MROH1: variants seen among roughly 807,000 people sequenced by gnomAD.
MROH1 encodes the protein maestro heat like repeat family member 1.
In MROH1, 117 loss-of-function variants were observed where a neutral mutation model predicts 116.5. The observed-to-expected ratio is 1.00, with a 90% confidence interval of 0.86 to 1.17. The LOEUF (loss-of-function observed/expected upper bound fraction) is 1.17. MROH1 is among the 50% of genes most tolerant of loss of function. The pLI, the probability that MROH1 is intolerant of heterozygous loss-of-function variation, is 0.00. For synonymous variants in MROH1, 921 were observed against 583.9 expected, an observed-to-expected ratio of 1.58 and a Z score of -8.32; for missense variants, 1,873 against 1,338.5, an observed-to-expected ratio of 1.40 and a Z score of -6.23.
intron 12 of MROH1, among the ~76,000 whole-genome samples, chr8:144,202,509 G>GCA (rs1831460119): frequency 8.5e-6 from 1 of 117,098 alleles, no homozygotes; most frequent in African/African-American, 3.3e-5. Flanking sequence ...AAGGGAGAAC[G>GCA]GGCTCTCTGT....
chr8:144,249,023 G>A lies in MROH1; in HGVS notation c.3267G>A (p.Gln1089=). Residue 1089 remains glutamine (Q), a synonymous_variant, in exon 32 of 44, where the codon CAG becomes CAA. Coordinates refer to ENST00000326134, the MANE Select transcript of MROH1 (RefSeq NM_032450.3). ...TGCAGGAGCGGGGCGGTGTGCTCCA[G>A]GAGAAGGTGGGAGAGGGCGGGGCGC... ...CLLQERGGVL[Q]EKVPEIVSVL... The A allele has an allele frequency of 1.4e-6, 1 of 715,018 alleles. No individual in the cohort carries two copies. The allele number at this position is 715,018 out of a possible 1,614,324, so 44.3% of individuals were successfully genotyped here. A position where few individuals can be genotyped will look rare whatever the true frequency, so the allele number is the denominator to read the frequency against.
At position 144,225,187 on chromosome 8, in the gene MROH1, C is replaced by T. The variant is rs898008158; in HGVS notation, c.1338+1957C>T. 5.9e-5 allele frequency among the ~76,000 whole-genome samples: 9 copies of T among 152,142 alleles called. No individual in the cohort carries two copies. The East Asian group carries it at 9.7e-4, about 16-fold the overall frequency. ...CCGAGTAGGTGGGACCACAGGCATG[C>T]GCCAGCCACCATGGGTGGCACTTCT... On this transcript the variant is annotated intron_variant, in intron 14 of 43. Transcript: ENST00000326134.
chr8:144,255,955 G>A (rs1177589808), intron 35 of MROH1, among the ~76,000 whole-genome samples: 1 of 152,364 alleles, frequency 6.6e-6, no homozygotes, highest in Admixed American at 6.5e-5. Flanking sequence ...CGGTGGTGCT[G>A]AACACAGGCA....
At chr8:144,203,886 C>T (rs866104048) in intron 12 of MROH1, among the ~76,000 whole-genome samples, 2 of 152,300 alleles carry the variant, frequency 1.3e-5, no homozygotes, top group Middle Eastern at 3.4e-3. Flanking sequence ...TAACCATGCT[C>T]AACTTCCCTT....
intron 12 of MROH1, among the ~76,000 whole-genome samples, chr8:144,208,219 C>G (rs938583975): frequency 6.6e-6 from 1 of 152,186 alleles, no homozygotes; most frequent in African/African-American, 2.4e-5. Context: ...GTTGGGATTA[C>G]AGGCGTGAGC....
At position 144,180,068 on chromosome 8, in the gene MROH1, A is replaced by G; in HGVS notation, c.301-110A>G. 20 of 1,385,234 alleles carry G rather than the reference A, an allele frequency of 1.4e-5. No individual in the cohort carries two copies. Among genetic ancestry groups the G allele is most frequent in the Non-Finnish European group, 1.8e-5 (18 of 995,624 alleles). 85.8% of individuals were successfully genotyped at this position (1,385,234 alleles called of 1,614,324 possible). On this transcript the variant is annotated intron_variant, in intron 5 of 43. Transcript: ENST00000326134. The surrounding 1 kb of genome is among the most constrained non-coding windows in gnomAD (Gnocchi z 7.4). ...GTGCCCGCCACCTTCCCTGACCTGC[A>G]CTTTCTGGGGACGCTGAAAACAGCG...
intron 2 of MROH1, among the ~76,000 whole-genome samples, chr8:144,162,689 AC>A (rs1819846127): frequency 6.9e-6 from 1 of 144,202 alleles, no homozygotes; most frequent in African/African-American, 2.6e-5. Flanking sequence ...GAGCCACTGC[AC>A]CCGGCCCATG....
Position 144,258,809 on chromosome 8 carries a change from T to C in MROH1, c.3824T>C (p.Leu1275Pro). 4 of 769,440 alleles carry C rather than the reference T, an allele frequency of 5.2e-6. No homozygotes were observed. The South Asian group carries it at 5.5e-5, about 11-fold the overall frequency. The allele number at this position is 769,440 out of a possible 1,614,324, so 47.7% of individuals were successfully genotyped here. A position where few individuals can be genotyped will look rare whatever the true frequency, so the allele number is the denominator to read the frequency against. Residue 1275 changes from leucine (L) to proline (P), a missense_variant, in exon 36 of 44, where the codon CTC becomes CCC. Leu to Pro is a moderately conservative substitution (Grantham distance 98). Coordinates refer to ENST00000326134, the MANE Select transcript of MROH1 (RefSeq NM_032450.3). ...SAVDTLRSML[L>P]RSGSEDVVQR... is the part of the protein sequence containing the mutation. ...GTGGACACCCTGCGGTCCATGCTAC[T>C]CCGCAGCGGCAGCGAGGATGTGGTA...
rs778369344 is a variant in MROH1, at chr8:144,192,389, A to T, written c.936A>T (p.Ala312=). ...LETQLDALLA[A]LHSQICVPVE... is the part of the protein sequence containing the mutation. The stretch of plus-strand genomic sequence containing the variant: ...CCCAGCTGGATGCCCTCTTGGCTGC[A>T]CTGCACTCCCAGGTAGGAGGCGGGC... Residue 312 remains alanine, a synonymous_variant, in exon 10 of 44, where the codon GCA becomes GCT. Transcript: ENST00000326134. 6.3e-7 allele frequency: 1 copy of T among 1,591,640 alleles called. No homozygotes were observed.
At chr8:144,228,436 G>A (rs1335535341) in intron 14 of MROH1, among the ~76,000 whole-genome samples, 4 of 152,138 alleles carry the variant, frequency 2.6e-5, no homozygotes, top group Non-Finnish European at 5.9e-5. Flanking sequence ...TGATCAGGGC[G>A]GTGGTTGCTG....
At chr8:144,176,348 G>A (rs895775141) in intron 4 of MROH1, among the ~76,000 whole-genome samples, 1 of 148,282 alleles carries the variant, frequency 6.7e-6, no homozygotes, top group East Asian at 2.0e-4. Flanking sequence ...ACTCCAGCCT[G>A]GGTGACAGAG....
intron 10 of MROH1, among the ~76,000 whole-genome samples, chr8:144,194,930 C>T (rs1829469549): frequency 6.6e-6 from 1 of 150,606 alleles, no homozygotes. Flanking sequence ...AAAAGTTCTG[C>T]AAATTTGCCA....
chr8:144,242,246 C>T, intron 22 of MROH1, 123 bp from the exon 23 acceptor site: 2 of 771,328 alleles, frequency 2.6e-6, no homozygotes, highest in Non-Finnish European at 4.8e-6. Flanking sequence ...GGTCACACCT[C>T]TGCTGTCACT....
chr8:144,198,380 C>G (rs1256117638), intron 10 of MROH1, among the ~76,000 whole-genome samples: 2 of 152,114 alleles, frequency 1.3e-5, no homozygotes, highest in Non-Finnish European at 2.9e-5. Context: ...TACCATGGAG[C>G]CCAGAGATGC....
chr8:144,217,090 TAGG>T (rs1406441506), intron 12 of MROH1, among the ~76,000 whole-genome samples: 1 of 151,984 alleles, frequency 6.6e-6, no homozygotes, highest in African/African-American at 2.4e-5. Context: ...GAGGCCAAGG[TAGG>T]AGGATTGAGT....
chr8:144,155,779 G>GC (rs1817897805), intron 1 of MROH1, among the ~76,000 whole-genome samples: 1 of 151,356 alleles, frequency 6.6e-6, no homozygotes, highest in African/African-American at 2.4e-5. Flanking sequence ...GACTACAGGC[G>GC]CCCACCACCA....
chr8:144,228,097 TG>T (rs1435578355), intron 14 of MROH1, among the ~76,000 whole-genome samples: 2 of 151,970 alleles, frequency 1.3e-5, no homozygotes, highest in African/African-American at 4.8e-5. Flanking sequence ...TAGCTGGGTA[TG>T]GTGGCATATG....
Position 144,248,068 on chromosome 8 carries a change from T to A in MROH1, c.3120+389T>A, listed in dbSNP as rs949301688. Among the ~76,000 whole-genome samples, 51 of 152,340 alleles carry A rather than the reference T, an allele frequency of 3.3e-4. No homozygotes were observed. The South Asian group carries it at 0.011, about 32-fold the overall frequency. ...CCTGTGTGGTGTTGTCCCCAGAGGC[T>A]ACCCAAGAGCCACGTGGGGGGCTAG... is the stretch of plus-strand genomic sequence containing the variant. On this transcript the variant is annotated intron_variant, in intron 31 of 43. Coordinates refer to ENST00000326134, the MANE Select transcript of MROH1 (RefSeq NM_032450.3).
At chr8:144,156,932 A>G (rs1253042693) in intron 1 of MROH1, among the ~76,000 whole-genome samples, 2 of 148,406 alleles carry the variant, frequency 1.3e-5, no homozygotes, top group Non-Finnish European at 3.0e-5. Flanking sequence ...ACAGGCGCAC[A>G]CCACCACGCC....
Sources: gnomAD v4.1 joint callset for allele counts (sites outside exome capture counted in the v4.1 genomes callset) on GRCh38, gnomAD v4.1.1 for gene constraint, Gnocchi (gnomAD v3.1) non-coding constraint, MANE v1.5 for transcripts, NCBI Gene and HGNC (gene_info 2026-07-23, HGNC 2026-07-21) for gene names.